Variants in LYL1 observed in about 807,000 individuals in gnomAD.
The protein encoded by LYL1 is protein lyl-1.
In LYL1, 4 loss-of-function variants were observed where a neutral mutation model predicts 11.1. The ratio of observed to expected loss-of-function variants is 0.36; its 90% confidence interval spans 0.18 to 0.82. The LOEUF (loss-of-function observed/expected upper bound fraction) is 0.82. Ranked by LOEUF, LYL1 falls within the 40% of genes least tolerant of loss-of-function variation. The probability of loss-of-function intolerance (pLI) is 0.49; values close to 1 mark genes in which losing one functional copy is unlikely to be tolerated. For missense variants in LYL1, 356 were observed against 397.6 expected (o/e 0.90, Z 0.89); for synonymous variants, 179 against 174.8 (o/e 1.02, Z -0.19).
At chr19:13,100,036 C>T (rs1431691095) in intron 3 of LYL1, among the ~76,000 whole-genome samples, 1 of 152,220 alleles carries the variant, frequency 6.6e-6, no homozygotes, top group Admixed American at 6.5e-5. Context: ...GGGAAGCTGT[C>T]CGTGGGGCCC....
Position 13,101,365 on chromosome 19 carries a change from G to C in LYL1, c.-24-170C>G. The C allele has an allele frequency of 2.4e-6, 1 of 412,656 alleles. No individual in the cohort carries two copies. The highest frequency in any genetic ancestry group is 7.7e-5 in the South Asian group (1 of 13,020). The allele number at this position is 412,656 out of a possible 1,614,324, so 25.6% of individuals were successfully genotyped here. A position where few individuals can be genotyped will look rare whatever the true frequency, so the allele number is the denominator to read the frequency against. On this transcript the variant is annotated intron_variant, in intron 1 of 3. Coordinates refer to ENST00000264824, the MANE Select transcript of LYL1 (RefSeq NM_005583.5). This position sits in a 1 kb window ranked among gnomAD's most constrained non-coding sequence, Gnocchi z 5.1. ...CGGGGGCAGGCCCAGAAACTTCCAGGACACGGGAGGGGGGTCCTACGTTAG... is the reference window on the plus strand; with the variant it reads ...CGGGGGCAGGCCCAGAAACTTCCAGCACACGGGAGGGGGGTCCTACGTTAG...
Position 13,101,019 on chromosome 19 carries a change from G to T in LYL1, c.153C>A (p.Ser51=). 1 of 1,478,536 alleles carries T rather than the reference G, an allele frequency of 6.8e-7. No individual in the cohort carries two copies. Among genetic ancestry groups the T allele is most frequent in the Non-Finnish European group, 9.0e-7 (1 of 1,115,766 alleles). The allele number at this position is 1,478,536 out of a possible 1,614,324, so 91.6% of individuals were successfully genotyped here. A position where few individuals can be genotyped will look rare whatever the true frequency, so the allele number is the denominator to read the frequency against. The change falls in exon 2 of 4, where the codon TCC becomes TCA. Residue 51 remains serine, a synonymous_variant. Transcript: ENST00000264824. The surrounding 1 kb of genome is among the most constrained non-coding windows in gnomAD (Gnocchi z 5.1). The part of the protein sequence containing the change: ...QVEEVGHRGG[S]SPPRLPPGVP... ...CACCAGGTGGCAGCCTGGGGGGCGA[G>T]GAGCCTCCTCGGTGGCCCACCTCCT...
rs1047789 is a variant in LYL1 at position 13,099,459 on chromosome 19, C to G, written c.703G>C (p.Ala235Pro). The G allele has an allele frequency of 7.9e-7, 1 of 1,259,638 alleles. No individual in the cohort carries two copies. Among genetic ancestry groups the G allele is most frequent in the Non-Finnish European group, 1.0e-6 (1 of 995,830 alleles). 78.0% of individuals were successfully genotyped at this position (1,259,638 alleles called of 1,614,324 possible). Residue 235 changes from alanine (A) to proline (P), a missense_variant, in exon 4 of 4, where the codon GCC (alanine) becomes CCC (proline). Physicochemically the swap from Ala to Pro is conservative, Grantham distance 27. Coordinates refer to ENST00000264824, the MANE Select transcript of LYL1 (RefSeq NM_005583.5). This position sits in a 1 kb window ranked among gnomAD's most constrained non-coding sequence, Gnocchi z 5.3. ...GCCCTGCGTCCGGATCCCCGGCGGGCGCCGTCGTCTGGGACCCGGTGCACC... is the reference window on the plus strand; with the variant it reads ...GCCCTGCGTCCGGATCCCCGGCGGGGGCCGTCGTCTGGGACCCGGTGCACC... ...RPVHRVPDDG[A>P]RRGSGRRAEA...
chr19:13,101,194 A>G lies in LYL1; in HGVS notation c.-23T>C, dbSNP rs745703787. On this transcript the variant is annotated splice_region_variant and 5_prime_UTR_variant, in exon 2 of 4. Transcript: ENST00000264824. This position sits in a 1 kb window ranked among gnomAD's most constrained non-coding sequence, Gnocchi z 5.1. ...CATGGACCCCGACGTGGGGGTACTC[A>G]CCTGTGGGAAAGAAGGCAGCCAGTG... The G allele has an allele frequency of 2.9e-6, 4 of 1,364,650 alleles. No individual in the cohort carries two copies. The highest frequency in any genetic ancestry group is 2.9e-6 in the Non-Finnish European group (3 of 1,043,366). The allele number at this position is 1,364,650 out of a possible 1,614,324, so 84.5% of individuals were successfully genotyped here.
chr19:13,100,997 C>G lies in LYL1; in HGVS notation c.175G>C (p.Gly59Arg). Reference sequence around the variant, plus strand: ...TGGCCCAGGCTGATCACTGGTACACCAGGTGGCAGCCTGGGGGGCGAGGAG... The same window carrying G: ...TGGCCCAGGCTGATCACTGGTACACGAGGTGGCAGCCTGGGGGGCGAGGAG... ...GGSSPPRLPP[G>R]VPVISLGHSR... The change falls in exon 2 of 4, where the codon GGT becomes CGT. Residue 59 changes from glycine (G) to arginine (R), a missense_variant. By Grantham distance (125) the Gly-to-Arg change is moderately radical. Transcript: ENST00000264824. 6.8e-7 allele frequency: 1 copy of G among 1,476,560 alleles called. No homozygotes were observed. The highest frequency in any genetic ancestry group is 1.4e-5 in the African/African-American group (1 of 70,944). 91.5% of individuals were successfully genotyped at this position (1,476,560 alleles called of 1,614,324 possible).
rs1266687538 is a variant in LYL1, at chr19:13,099,949, G to A, written c.428-215C>T. On this transcript the variant is annotated intron_variant, in intron 3 of 3. Transcript: ENST00000264824. The surrounding 1 kb of genome is among the most constrained non-coding windows in gnomAD (Gnocchi z 5.3). ...CCCGGCCTACGGACAAGGGCCTGCT[G>A]TATCTGTGACTATGGGCACCTTTAT... Among the ~76,000 whole-genome samples, 2 of 152,228 alleles carry A rather than the reference G, an allele frequency of 1.3e-5. No homozygotes were observed. The highest frequency in any genetic ancestry group is 2.9e-5 in the Non-Finnish European group (2 of 68,036).
At chr19:13,100,807 C>T (rs767299703) in intron 2 of LYL1, 30 bp downstream of exon 2, 11 of 1,600,516 alleles carry the variant, frequency 6.9e-6, no homozygotes, top group South Asian at 2.2e-5. Context: ...CCCCAATCCC[C>T]ACTGCCCCCC....
At chr19:13,100,771 A>G in intron 2 of LYL1, 23 bp from the exon 3 acceptor site, 1 of 1,613,268 alleles carries the variant, frequency 6.2e-7, no homozygotes, top group Non-Finnish European at 8.5e-7. Flanking sequence ...GTGGGTCACT[A>G]ATGCCTTGTG....
Position 13,099,356 on chromosome 19 carries a change from T to A in LYL1, c.806A>T (p.Lys269Met). The A allele has an allele frequency of 7.8e-7, 1 of 1,283,646 alleles. No homozygotes were observed. Among genetic ancestry groups the A allele is most frequent in the Non-Finnish European group, 9.9e-7 (1 of 1,013,574 alleles). The allele number at this position is 1,283,646 out of a possible 1,614,324, so 79.5% of individuals were successfully genotyped here. ...TGGGCTCAAAGCGGTTTGCTCCATC[T>A]TGATGGGCCGGGCCGCTCCACCGGG... is the stretch of plus-strand genomic sequence containing the variant. Reference protein sequence around the residue: ...GSPGGAARPIKMEQTALSPEV... With the variant: ...GSPGGAARPIMMEQTALSPEV... The change falls in exon 4 of 4, where the codon AAG becomes ATG. Residue 269 changes from lysine (K) to methionine (M), a missense_variant. Transcript: ENST00000264824. This position sits in a 1 kb window ranked among gnomAD's most constrained non-coding sequence, Gnocchi z 5.3.
At chr19:13,100,623 T>C in intron 3 of LYL1, 34 bp downstream of exon 3, 1 of 1,604,304 alleles carries the variant, frequency 6.2e-7, no homozygotes, top group East Asian at 2.2e-5. Context: ...CATACAGGCA[T>C]ACAAACCCAC....
At chr19:13,100,574 C>A in intron 3 of LYL1, 83 bp downstream of exon 3, 1 of 1,294,552 alleles carries the variant, frequency 7.7e-7, no homozygotes, top group Non-Finnish European at 1.1e-6. Flanking sequence ...ATGAGCCCCA[C>A]ACAGAGACGG....
In LYL1 at chr19:13,101,254, T is replaced by G; in HGVS notation, c.-24-59A>C. On this transcript the variant is annotated intron_variant, in intron 1 of 3. Transcript: ENST00000264824. The surrounding 1 kb of genome is among the most constrained non-coding windows in gnomAD (Gnocchi z 5.1). ...ACTAGGTGCCCCGCTCCCACCTGCT[T>G]AGCTCAAGAAACCCCTCAAATGGGA... The G allele has an allele frequency of 1.6e-6, 1 of 640,914 alleles. No individual in the cohort carries two copies. The allele number at this position is 640,914 out of a possible 1,614,324, so 39.7% of individuals were successfully genotyped here. A position where few individuals can be genotyped will look rare whatever the true frequency, so the allele number is the denominator to read the frequency against.
chr19:13,099,278 G>T lies in LYL1; in HGVS notation c.*41C>A. 8.0e-7 allele frequency: 1 copy of T among 1,243,880 alleles called. No homozygotes were observed. Among genetic ancestry groups the T allele is most frequent in the Non-Finnish European group, 1.0e-6 (1 of 992,914 alleles). 77.1% of individuals were successfully genotyped at this position (1,243,880 alleles called of 1,614,324 possible). ...CCTTTCCTTGACGGCCCTGGGCCGA[G>T]TCCCTGGTGCCCTCCGGCTCAGAGG... On this transcript the variant is annotated 3_prime_UTR_variant, in exon 4 of 4. Transcript: ENST00000264824. This position sits in a 1 kb window ranked among gnomAD's most constrained non-coding sequence, Gnocchi z 5.3.
In LYL1 at chr19:13,099,841, G is replaced by A; in HGVS notation, c.428-107C>T. On this transcript the variant is annotated intron_variant, in intron 3 of 3. Coordinates refer to ENST00000264824, the MANE Select transcript of LYL1 (RefSeq NM_005583.5). The surrounding 1 kb of genome is among the most constrained non-coding windows in gnomAD (Gnocchi z 5.3). The stretch of plus-strand genomic sequence containing the variant: ...GTGGGAACTTAAACCCAGGCCATGG[G>A]CTGGGGCTTTCTCCACCCAAGGGGT... 9.6e-7 allele frequency: 1 copy of A among 1,040,866 alleles called. No homozygotes were observed. The allele number at this position is 1,040,866 out of a possible 1,614,324, so 64.5% of individuals were successfully genotyped here.
In LYL1 at chr19:13,101,256, G is replaced by A. The variant is rs1471507714; in HGVS notation, c.-24-61C>T. 3.2e-6 allele frequency: 2 copies of A among 622,664 alleles called. No individual in the cohort carries two copies. Among genetic ancestry groups the A allele is most frequent in the Admixed American group, 8.3e-5 (2 of 24,056 alleles). 38.6% of individuals were successfully genotyped at this position (622,664 alleles called of 1,614,324 possible). A position where few individuals can be genotyped will look rare whatever the true frequency, so the allele number is the denominator to read the frequency against. Reference sequence around the variant, plus strand: ...TAGGTGCCCCGCTCCCACCTGCTTAGCTCAAGAAACCCCTCAAATGGGAAG... The same window carrying A: ...TAGGTGCCCCGCTCCCACCTGCTTAACTCAAGAAACCCCTCAAATGGGAAG... On this transcript the variant is annotated intron_variant, in intron 1 of 3. Transcript: ENST00000264824. This position sits in a 1 kb window ranked among gnomAD's most constrained non-coding sequence, Gnocchi z 5.1.
chr19:13,099,581 AGGC>A lies in LYL1; in HGVS notation c.578_580del (p.Arg193del). 1 of 1,551,744 alleles carries A rather than the reference AGGC, an allele frequency of 6.4e-7. No homozygotes were observed. Among genetic ancestry groups the A allele is most frequent in the Non-Finnish European group, 8.7e-7 (1 of 1,148,620 alleles). On this transcript the variant is annotated inframe_deletion, in exon 4 of 4. Transcript: ENST00000264824. This position sits in a 1 kb window ranked among gnomAD's most constrained non-coding sequence, Gnocchi z 5.3. ...CAGGAAGCCGATGTACTTCATGGCT[AGGC>A]GGAGCACCTCGTTCTTGCTCAGCTT...
At position 13,099,837 on chromosome 19, in the gene LYL1, A is replaced by T; in HGVS notation, c.428-103T>A. 1 of 1,100,520 alleles carries T rather than the reference A, an allele frequency of 9.1e-7. No individual in the cohort carries two copies. The highest frequency in any genetic ancestry group is 1.2e-6 in the Non-Finnish European group (1 of 818,804). The allele number at this position is 1,100,520 out of a possible 1,614,324, so 68.2% of individuals were successfully genotyped here. A position where few individuals can be genotyped will look rare whatever the true frequency, so the allele number is the denominator to read the frequency against. On this transcript the variant is annotated intron_variant, in intron 3 of 3. Transcript: ENST00000264824. The surrounding 1 kb of genome is among the most constrained non-coding windows in gnomAD (Gnocchi z 5.3). ...CCTCGTGGGAACTTAAACCCAGGCC[A>T]TGGGCTGGGGCTTTCTCCACCCAAG... is the stretch of plus-strand genomic sequence containing the variant.
Position 13,100,748 on chromosome 19 carries a change from A to G in LYL1, c.336T>C (p.Ser112=). ...AAGGTCCTGCTGGCCCAATGTAGAC[A>G]CTGTAAGGGGTCGTGGGTCACTAAT... The part of the protein sequence containing the change: ...LHYHPHPFLN[S]VYIGPAGPFS... Residue 112 remains serine (S), a splice_region_variant and synonymous_variant, in exon 3 of 4, where the codon AGT becomes AGC. Transcript: ENST00000264824. 6.2e-7 allele frequency: 1 copy of G among 1,614,074 alleles called. No individual in the cohort carries two copies. Among genetic ancestry groups the G allele is most frequent in the Non-Finnish European group, 8.5e-7 (1 of 1,179,990 alleles).
chr19:13,101,035 C>G lies in LYL1; in HGVS notation c.137G>C (p.Gly46Ala), dbSNP rs770857160. 2 of 1,480,460 alleles carry G rather than the reference C, an allele frequency of 1.4e-6. No homozygotes were observed. The highest frequency in any genetic ancestry group is 5.1e-5 in the Admixed American group (2 of 39,046). 91.7% of individuals were successfully genotyped at this position (1,480,460 alleles called of 1,614,324 possible). ...SPGPPQVEEV[G>A]HRGGSSPPRL... ...GGGGGGCGAGGAGCCTCCTCGGTGG[C>G]CCACCTCCTCCACCTGCGGGGGCCC... The change falls in exon 2 of 4, where the codon GGC becomes GCC. Residue 46 changes from glycine to alanine, a missense_variant. Gly to Ala is a moderately conservative substitution (Grantham distance 60, BLOSUM62 0). Coordinates refer to ENST00000264824, the MANE Select transcript of LYL1 (RefSeq NM_005583.5). This position sits in a 1 kb window ranked among gnomAD's most constrained non-coding sequence, Gnocchi z 5.1.
Sources: gnomAD v4.1 joint callset for allele counts (sites outside exome capture counted in the v4.1 genomes callset) on GRCh38, gnomAD v4.1.1 for gene constraint, Gnocchi (gnomAD v3.1) non-coding constraint, MANE v1.5 for transcripts, NCBI Gene and HGNC (gene_info 2026-07-23, HGNC 2026-07-21) for gene names.